PSMD12: variants seen among roughly 807,000 people sequenced by gnomAD.
PSMD12 encodes proteasome 26S subunit, non-ATPase 12, also known as 26S proteasome non-ATPase regulatory subunit 12.
PSMD12 carries 8 observed loss-of-function variants against 62.9 expected under a neutral mutation model. That is an observed-to-expected ratio of 0.13 (90% CI 0.07 to 0.23). PSMD12 has a LOEUF of 0.23. Ranked by LOEUF, PSMD12 falls within the 10% of genes least tolerant of loss-of-function variation. PSMD12 has a pLI of 1.00. For missense variants in PSMD12, 424 were observed against 550.2 expected (o/e 0.77, Z 2.29); for synonymous variants, 173 against 187.4 (o/e 0.92, Z 0.63).
chr17:67,342,777 A>C (rs562155853), intron 9 of PSMD12, among the ~76,000 whole-genome samples: 1 of 152,076 alleles, frequency 6.6e-6, no homozygotes, highest in Admixed American at 6.6e-5. Context: ...CCCCACAAAA[A>C]ATTTAAAAAT....
chr17:67,366,206 G>C (rs566025087), intron 1 of PSMD12, among the ~76,000 whole-genome samples: 1 of 152,310 alleles, frequency 6.6e-6, no homozygotes, highest in African/African-American at 2.4e-5. Flanking sequence ...TCTGTTTTGG[G>C]GAGGGTCTGG....
chr17:67,347,638 T>C (rs2041980605), intron 5 of PSMD12, among the ~76,000 whole-genome samples, 153 bp from the exon 6 acceptor site: 1 of 152,220 alleles, frequency 6.6e-6, no homozygotes, highest in East Asian at 1.9e-4. Flanking sequence ...AAAAGCTAGT[T>C]ACCGCTAGAA....
rs71368819 is a variant in PSMD12, at chr17:67,341,469, CAAAAA to C, written c.1162-422_1162-418del. ...TGGGCGACAAGGTGAGACTCTGCCT[CAAAAA>C]AAAAAAAAAAAAAAAAAAAAGAGTT... On this transcript the variant is annotated intron_variant, in intron 10 of 10. Coordinates refer to ENST00000356126, the MANE Select transcript of PSMD12 (RefSeq NM_002816.5). Among the ~76,000 whole-genome samples the C allele has an allele frequency of 3.4e-3, 175 of 51,138 alleles. 1 individual carries two copies. Among genetic ancestry groups the C allele is most frequent in the African/African-American group, 0.014 (166 of 12,084 alleles). The allele number at this position is 51,138 out of a possible 152,430, so 33.5% of individuals were successfully genotyped here.
intron 1 of PSMD12, among the ~76,000 whole-genome samples, chr17:67,364,816 C>T (rs1434152564): frequency 2.0e-5 from 3 of 152,186 alleles, no homozygotes; most frequent in Non-Finnish European, 4.4e-5. Flanking sequence ...AATACTCGGC[C>T]TTCATCCCCA....
Position 67,357,406 on chromosome 17 carries a change from C to A in PSMD12, c.194G>T (p.Arg65Leu), listed in dbSNP as rs745358341. ...RTASDMVSTS[R>L]ILVAVVKMCY... ...CATCTTCACTACTGCAACTAAGATA[C>A]GGGATGTCGATACCATATCGGAAGC... Residue 65 changes from arginine (R) to leucine (L), a missense_variant, in exon 3 of 11, where the codon CGT (arginine) becomes CTT (leucine). Physicochemically the swap from Arg to Leu is moderately radical, Grantham distance 102. Coordinates refer to ENST00000356126, the MANE Select transcript of PSMD12 (RefSeq NM_002816.5). 1 of 1,613,200 alleles carries A rather than the reference C, an allele frequency of 6.2e-7. No homozygotes were observed. Among genetic ancestry groups the A allele is most frequent in the Admixed American group, 1.7e-5 (1 of 60,008 alleles).
chr17:67,351,392 AAAT>A (rs56142901), intron 3 of PSMD12, among the ~76,000 whole-genome samples: 17,412 of 140,026 alleles, frequency 0.12, 1,375 homozygotes, highest in Non-Finnish European at 0.18. Flanking sequence ...ACTTGTCTCA[AAAT>A]AATAATAATA....
At chr17:67,348,876 G>C (rs1385291772) in intron 4 of PSMD12, among the ~76,000 whole-genome samples, 1 of 151,994 alleles carries the variant, frequency 6.6e-6, no homozygotes, top group African/African-American at 2.4e-5. Flanking sequence ...TGCACCTTTA[G>C]TCCCAGCTAC....
At chr17:67,362,085 G>C (rs1482335140) in intron 1 of PSMD12, among the ~76,000 whole-genome samples, 4 of 152,062 alleles carry the variant, frequency 2.6e-5, no homozygotes, top group African/African-American at 7.3e-5. Flanking sequence ...GCACAAATGG[G>C]TTAAGAGGAA....
chr17:67,341,043 C>T lies in PSMD12; in HGVS notation c.1171G>A (p.Ala391Thr). 1 of 1,545,938 alleles carries T rather than the reference C, an allele frequency of 6.5e-7. No individual in the cohort carries two copies. Among genetic ancestry groups the T allele is most frequent in the Non-Finnish European group, 8.7e-7 (1 of 1,153,000 alleles). The stretch of plus-strand genomic sequence containing the variant: ...TTAACTACTAGATTTGAGAGAAAGG[C>T]TTCGGACTCCTGCAAGAGAGAAAGA... ...LLDLSVDESEAFLSNLVVNKT... is the reference protein window; with the variant it reads ...LLDLSVDESETFLSNLVVNKT... Residue 391 changes from alanine to threonine, a missense_variant, in exon 11 of 11, where the codon GCC (alanine) becomes ACC (threonine). By Grantham distance (58) the Ala-to-Thr change is moderately conservative (BLOSUM62 0). Transcript: ENST00000356126.
intron 10 of PSMD12, 51 bp downstream of exon 10, chr17:67,342,135 C>A: frequency 7.8e-7 from 1 of 1,284,228 alleles, no homozygotes; most frequent in South Asian, 1.3e-5. Flanking sequence ...TTTTACAAGT[C>A]AACATTCAAA....
At chr17:67,348,470 G>C in intron 5 of PSMD12, 80 bp downstream of exon 5, 1 of 1,133,704 alleles carries the variant, frequency 8.8e-7, no homozygotes, top group Non-Finnish European at 1.3e-6. Flanking sequence ...TTTTGGATAA[G>C]GGATACTCAA....
At chr17:67,359,030 G>T (rs991278769) in intron 1 of PSMD12, among the ~76,000 whole-genome samples, 21 of 152,150 alleles carry the variant, frequency 1.4e-4, no homozygotes, top group African/African-American at 4.6e-4. Context: ...CACACATTTT[G>T]ATAAAACCAA....
At chr17:67,351,348 C>T (rs879929280) in intron 3 of PSMD12, among the ~76,000 whole-genome samples, 1 of 150,456 alleles carries the variant, frequency 6.6e-6, no homozygotes, top group South Asian at 2.1e-4. Context: ...GCCAAGATCG[C>T]GCCACTGCAC....
Position 67,344,649 on chromosome 17 carries a change from C to T in PSMD12, c.1040G>A (p.Gly347Asp). ...ATDVFGSTEE[G>D]EKRWKDLKNR... ...CTTCAAGTCTTTCCACCTTTTTTCA[C>T]CTTCCTCTGTAGAACCAAAAACATC... is the stretch of plus-strand genomic sequence containing the variant. The change falls in exon 9 of 11, where the codon GGT (glycine) becomes GAT (aspartate). Residue 347 changes from glycine (G) to aspartate (D), a missense_variant. Gly to Asp is a moderately conservative substitution (Grantham distance 94, BLOSUM62 -1). Coordinates refer to ENST00000356126, the MANE Select transcript of PSMD12 (RefSeq NM_002816.5). 3.1e-6 allele frequency: 5 copies of T among 1,612,240 alleles called. No individual in the cohort carries two copies. The highest frequency in any genetic ancestry group is 4.2e-6 in the Non-Finnish European group (5 of 1,178,958).
intron 5 of PSMD12, among the ~76,000 whole-genome samples, 200 bp from the exon 6 acceptor site, chr17:67,347,685 TA>T (rs1203294653): frequency 6.6e-6 from 1 of 152,220 alleles, no homozygotes; most frequent in Non-Finnish European, 1.5e-5. Context: ...CCTTTTGGTA[TA>T]AAATTCTATG....
chr17:67,347,720 G>C (rs2041981463), intron 5 of PSMD12, among the ~76,000 whole-genome samples: 1 of 152,012 alleles, frequency 6.6e-6, no homozygotes. Context: ...GTAGTGATTT[G>C]CATAACCATC....
chr17:67,347,364 G>C lies in PSMD12; in HGVS notation c.632C>G (p.Thr211Ser), dbSNP rs1363713135. 5.0e-6 allele frequency: 8 copies of C among 1,613,710 alleles called. No homozygotes were observed. The highest frequency in any genetic ancestry group is 6.8e-6 in the Non-Finnish European group (8 of 1,179,920). ...RTQIISKKINTKFFQEENTEK... is the reference protein window; with the variant it reads ...RTQIISKKINSKFFQEENTEK... ...TGTATTTTCTTCCTGGAAAAATTTG[G>C]TGTTAATTTTCTTGCTGATGATTTG... Residue 211 changes from threonine (T) to serine (S), a missense_variant, in exon 6 of 11, where the codon ACC becomes AGC. Thr to Ser is a moderately conservative substitution (Grantham distance 58). Coordinates refer to ENST00000356126, the MANE Select transcript of PSMD12 (RefSeq NM_002816.5).
chr17:67,362,500 C>T (rs1264483427), intron 1 of PSMD12, among the ~76,000 whole-genome samples: 8 of 151,948 alleles, frequency 5.3e-5, no homozygotes, highest in Non-Finnish European at 1.2e-4. Context: ...TGGTGAAACC[C>T]TGTCTGTACT....
intron 1 of PSMD12, among the ~76,000 whole-genome samples, chr17:67,360,277 C>T (rs78414913): frequency 7.5e-4 from 114 of 152,322 alleles, no homozygotes; most frequent in African/African-American, 2.6e-3. Context: ...ATATGGTATT[C>T]TAATTCAGAA....
Sources: allele counts gnomAD v4.1 joint callset (sites outside exome capture counted in the v4.1 genomes callset), GRCh38; gene constraint gnomAD v4.1.1; transcripts MANE v1.5; gene names NCBI Gene and HGNC (gene_info 2026-07-23, HGNC 2026-07-21).